Variants in CTNNA3 observed in about 807,000 individuals in gnomAD.
CTNNA3 encodes the protein catenin alpha 3, also known as catenin alpha-3.
Under a neutral mutation model 95.7 loss-of-function variants are expected in CTNNA3, and 76 were observed. The ratio of observed to expected loss-of-function variants is 0.79; its 90% CI spans 0.66 to 0.96. CTNNA3 has a LOEUF of 0.96. Among genes scored for constraint, CTNNA3 ranks in the 40% least tolerant of loss-of-function variants. The probability of loss-of-function intolerance (pLI) is 0.00; values close to 1 mark genes in which losing one functional copy is unlikely to be tolerated. For missense variants in CTNNA3, 1,191 were observed against 1,089.8 expected, an observed-to-expected ratio of 1.09 and a Z score of -1.31; for synonymous variants, 431 against 374.4, an observed-to-expected ratio of 1.15 and a Z score of -1.74.
chr10:66,430,808 A>G (rs2093287969), intron 11 of CTNNA3, among the ~76,000 whole-genome samples: 1 of 152,212 alleles, frequency 6.6e-6, no homozygotes, highest in Non-Finnish European at 1.5e-5. Flanking sequence ...CCCTGGAAGA[A>G]AACCTAGGCA....
intron 7 of CTNNA3, among the ~76,000 whole-genome samples, chr10:66,955,691 TA>T (rs1246088459): frequency 6.6e-6 from 1 of 152,152 alleles, no homozygotes; most frequent in Non-Finnish European, 1.5e-5. Context: ...GCCACCTATC[TA>T]GACTGTCACA....
intron 1 of CTNNA3, among the ~76,000 whole-genome samples, chr10:67,660,504 ACACTCATCTT>A (rs1401424617): frequency 2.0e-5 from 3 of 152,178 alleles, no homozygotes; most frequent in African/African-American, 7.2e-5. Flanking sequence ...AAAGCCACAA[ACACTCATCTT>A]CACTCATCTT....
chr10:66,686,173 T>C (rs887635148), intron 9 of CTNNA3, among the ~76,000 whole-genome samples: 1 of 152,238 alleles, frequency 6.6e-6, no homozygotes, highest in Non-Finnish European at 1.5e-5. Flanking sequence ...TCAGTATTTG[T>C]TTTTTCTATA....
At chr10:66,339,529 G>T (rs191899443) in intron 12 of CTNNA3, among the ~76,000 whole-genome samples, 36 of 151,840 alleles carry the variant, frequency 2.4e-4, no homozygotes, top group Admixed American at 2.4e-3. Flanking sequence ...AAAATAAAAA[G>T]ATAGATAAAG....
intron 5 of CTNNA3, among the ~76,000 whole-genome samples, chr10:67,313,379 CT>C (rs1026781971): frequency 4.0e-5 from 6 of 151,576 alleles, no homozygotes; most frequent in African/African-American, 7.3e-5. Flanking sequence ...TTGCAGCAAG[CT>C]GAGATCGCGC....
chr10:66,796,139 T>C lies in CTNNA3; in HGVS notation c.1048-20615A>G, dbSNP rs139096148. ...ATTTCCTTTGCATGCACAACTTGGC[T>C]AACTGGTGAAAAAGGCCTAGCGTTT... On this transcript the variant is annotated intron_variant, in intron 7 of 17. Transcript: ENST00000433211. Among the ~76,000 whole-genome samples, 50 of 152,264 alleles carry C rather than the reference T, an allele frequency of 3.3e-4. 1 individual carries two copies. The East Asian group carries it at 8.1e-3, about 25-fold the overall frequency.
At chr10:67,439,967 G>T (rs1162994934) in intron 5 of CTNNA3, among the ~76,000 whole-genome samples, 1 of 152,178 alleles carries the variant, frequency 6.6e-6, no homozygotes. Flanking sequence ...GAAACGTAAA[G>T]GGGGCTTTTT....
At chr10:66,437,954 C>T (rs2093349770) in intron 11 of CTNNA3, among the ~76,000 whole-genome samples, 2 of 152,124 alleles carry the variant, frequency 1.3e-5, no homozygotes, top group Admixed American at 6.5e-5. Flanking sequence ...ACAGTCAGGC[C>T]CCTCTTCTGC....
At chr10:67,258,217 C>A (rs1866440970) in intron 5 of CTNNA3, among the ~76,000 whole-genome samples, 1 of 152,164 alleles carries the variant, frequency 6.6e-6, no homozygotes, top group South Asian at 2.1e-4. Flanking sequence ...GATTTTGGTT[C>A]ATTGCAACCT....
intron 10 of CTNNA3, among the ~76,000 whole-genome samples, chr10:66,522,061 T>C (rs1248287377): frequency 2.0e-5 from 3 of 152,188 alleles, no homozygotes; most frequent in Non-Finnish European, 4.4e-5. Context: ...GTGCTATTAA[T>C]CATTGGTTTC....
chr10:65,953,192 C>G (rs1191483556), intron 17 of CTNNA3, among the ~76,000 whole-genome samples: 3 of 152,104 alleles, frequency 2.0e-5, no homozygotes, highest in Admixed American at 6.5e-5. Context: ...ACTAGGTGAA[C>G]AGTTGATGAA....
chr10:67,474,783 T>C (rs1174358508), intron 5 of CTNNA3, among the ~76,000 whole-genome samples: 8 of 152,184 alleles, frequency 5.3e-5, no homozygotes, highest in East Asian at 1.9e-4. Flanking sequence ...ACAAAATGCC[T>C]GTGAGGATAC....
intron 7 of CTNNA3, among the ~76,000 whole-genome samples, chr10:67,146,479 T>C (rs1008796275): frequency 1.3e-5 from 2 of 152,210 alleles, no homozygotes; most frequent in Non-Finnish European, 2.9e-5. Flanking sequence ...ACACTGTTCA[T>C]GCATATTATA....
intron 7 of CTNNA3, among the ~76,000 whole-genome samples, chr10:66,877,553 GC>G (rs1844673427): frequency 1.3e-5 from 2 of 152,202 alleles, no homozygotes; most frequent in African/African-American, 2.4e-5. Context: ...CAAGTTAGAA[GC>G]CTGATAAGAT....
chr10:66,020,981 G>A (rs772459319), intron 15 of CTNNA3, among the ~76,000 whole-genome samples: 3 of 152,084 alleles, frequency 2.0e-5, no homozygotes, highest in Non-Finnish European at 2.9e-5. Context: ...CCGATGATCT[G>A]AATTTTATTC....
At chr10:66,505,568 A>G (rs72791601) in intron 11 of CTNNA3, among the ~76,000 whole-genome samples, 24,740 of 152,040 alleles carry the variant, frequency 0.16, 2,127 homozygotes, top group African/African-American at 0.19. Context: ...CTGTCCTGAC[A>G]AGGAAGAGCT....
intron 7 of CTNNA3, among the ~76,000 whole-genome samples, chr10:66,861,433 G>C (rs1843923011): frequency 6.6e-6 from 1 of 152,160 alleles, no homozygotes; most frequent in African/African-American, 2.4e-5. Flanking sequence ...GAATGAGCAT[G>C]GGTGTGTGTG....
chr10:66,467,112 G>A (rs1349189724), intron 11 of CTNNA3, among the ~76,000 whole-genome samples: 1 of 152,042 alleles, frequency 6.6e-6, no homozygotes, highest in Non-Finnish European at 1.5e-5. Flanking sequence ...TGTGTTTTAT[G>A]TCTATAGCAT....
At position 66,544,319 on chromosome 10, in the gene CTNNA3, CTTAA is replaced by C. The variant is rs539801995; in HGVS notation, c.1375-23550_1375-23547del. 5.3e-5 allele frequency among the ~76,000 whole-genome samples: 8 copies of C among 152,154 alleles called. No homozygotes were observed. In the South Asian group the frequency reaches 1.2e-3, roughly 24 times the overall value. ...ATAGGCAAGATGTCTTAACTGAAGACTTAATGTTGAACACATCCTAAAGCTTGAG... is the reference window on the plus strand; with the variant it reads ...ATAGGCAAGATGTCTTAACTGAAGACTGTTGAACACATCCTAAAGCTTGAG... On this transcript the variant is annotated intron_variant, in intron 10 of 17. Transcript: ENST00000433211.
Sources: allele counts gnomAD v4.1 joint callset (sites outside exome capture counted in the v4.1 genomes callset), GRCh38; gene constraint gnomAD v4.1.1; transcripts MANE v1.5; gene names NCBI Gene and HGNC (gene_info 2026-07-23, HGNC 2026-07-21).